Variants in TRIM23 observed in about 807,000 individuals in gnomAD.
TRIM23 encodes tripartite motif containing 23, also known as E3 ubiquitin-protein ligase TRIM23.
TRIM23 carries 27 observed loss-of-function variants against 71.0 expected under a neutral mutation model. The observed-to-expected ratio is 0.38, with a 90% CI of 0.28 to 0.52. The LOEUF (loss-of-function observed/expected upper bound fraction) is 0.52, where lower values mean the gene tolerates loss of function less well. TRIM23 is among the 20% of genes least tolerant of loss of function. TRIM23 has a pLI of 0.84. For synonymous variants in TRIM23, 234 were observed against 238.0 expected, an observed-to-expected ratio of 0.98 and a Z score of 0.16; for missense variants, 482 against 692.3, an observed-to-expected ratio of 0.70 and a Z score of 3.41.
intron 9 of TRIM23, among the ~76,000 whole-genome samples, chr5:65,594,978 C>T (rs1398242988): frequency 6.6e-6 from 1 of 152,202 alleles, no homozygotes; most frequent in African/African-American, 2.4e-5. Context: ...ATGGATGCTA[C>T]TTGTTCTTCG....
At chr5:65,593,299 G>A (rs1754094825) in intron 10 of TRIM23, among the ~76,000 whole-genome samples, 1 of 152,136 alleles carries the variant, frequency 6.6e-6, no homozygotes, top group Non-Finnish European at 1.5e-5. Flanking sequence ...GCCGGGTGTG[G>A]TAGCAAGCAC....
At position 65,590,668 on chromosome 5, in the gene TRIM23, A is replaced by G; in HGVS notation, c.*1101T>C. The G allele has an allele frequency of 1.0e-6, 1 of 984,608 alleles. No individual in the cohort carries two copies. The highest frequency in any genetic ancestry group is 1.2e-6 in the Non-Finnish European group (1 of 827,430). 61.0% of individuals were successfully genotyped at this position (984,608 alleles called of 1,614,324 possible). On this transcript the variant is annotated 3_prime_UTR_variant, in exon 11 of 11. Coordinates refer to ENST00000231524, the MANE Select transcript of TRIM23 (RefSeq NM_001656.4). ...ATTTACTCACAACACTGAATAATTAATGTAAACTTTTTGAATTTTTTTTTT... is the reference window on the plus strand; with the variant it reads ...ATTTACTCACAACACTGAATAATTAGTGTAAACTTTTTGAATTTTTTTTTT...
chr5:65,619,060 C>T (rs1754849265), intron 1 of TRIM23, among the ~76,000 whole-genome samples: 1 of 152,104 alleles, frequency 6.6e-6, no homozygotes, highest in Non-Finnish European at 1.5e-5. Flanking sequence ...TGTTTCATAC[C>T]TTGCATTAAT....
At chr5:65,592,516 C>T (rs1307853093) in intron 10 of TRIM23, among the ~76,000 whole-genome samples, 2 of 151,866 alleles carry the variant, frequency 1.3e-5, no homozygotes, top group Admixed American at 6.6e-5. Context: ...CATGAGCCAC[C>T]ACGCCTGGCC....
chr5:65,590,547 TAAAA>T lies in TRIM23; in HGVS notation c.*1218_*1221del, dbSNP rs3836739. 1.6e-5 allele frequency: 14 copies of T among 878,924 alleles called. No individual in the cohort carries two copies. Among genetic ancestry groups the T allele is most frequent in the South Asian group, 5.4e-5 (1 of 18,458 alleles). 54.4% of individuals were successfully genotyped at this position (878,924 alleles called of 1,614,324 possible). The stretch of plus-strand genomic sequence containing the variant: ...ACTTCATCCTAATGTATCAGAACAT[TAAAA>T]AAAAAAAAGTCTCAATGTACCTATT... On this transcript the variant is annotated 3_prime_UTR_variant, in exon 11 of 11. Coordinates refer to ENST00000231524, the MANE Select transcript of TRIM23 (RefSeq NM_001656.4).
intron 2 of TRIM23, among the ~76,000 whole-genome samples, chr5:65,617,266 T>C (rs990006534): frequency 2.6e-5 from 4 of 152,214 alleles, no homozygotes; most frequent in South Asian, 4.1e-4. Context: ...CCATGTTTCT[T>C]AGCATTTCAA....
At chr5:65,614,320 T>C (rs1754728145) in intron 2 of TRIM23, 101 bp from the exon 3 acceptor site, 5 of 1,125,046 alleles carry the variant, frequency 4.4e-6, no homozygotes, top group Non-Finnish European at 6.3e-6. Context: ...CAGTAGTTAA[T>C]GTCTAAATTT....
chr5:65,615,944 GCC>G (rs1419868763), intron 2 of TRIM23, among the ~76,000 whole-genome samples: 1 of 152,198 alleles, frequency 6.6e-6, no homozygotes, highest in Non-Finnish European at 1.5e-5. Flanking sequence ...CAGGGACACA[GCC>G]TACCGAGCCT....
At chr5:65,609,179 A>G in intron 6 of TRIM23, 64 bp downstream of exon 6, 1 of 1,514,466 alleles carries the variant, frequency 6.6e-7, no homozygotes, top group Non-Finnish European at 9.1e-7. Flanking sequence ...ACACTAATGT[A>G]TACCTCTGGT....
At chr5:65,595,557 CAA>C (rs34701696) in intron 9 of TRIM23, among the ~76,000 whole-genome samples, 73 of 93,466 alleles carry the variant, frequency 7.8e-4, no homozygotes, top group Middle Eastern at 5.7e-3. Context: ...GACTCGATCT[CAA>C]AAAAAAAAAA....
chr5:65,590,401 T>C lies in TRIM23; in HGVS notation c.*1368A>G, dbSNP rs1292030366. 2 of 1,438,620 alleles carry C rather than the reference T, an allele frequency of 1.4e-6. No individual in the cohort carries two copies. Among genetic ancestry groups the C allele is most frequent in the African/African-American group, 1.5e-5 (1 of 68,182 alleles). 89.1% of individuals were successfully genotyped at this position (1,438,620 alleles called of 1,614,324 possible). On this transcript the variant is annotated 3_prime_UTR_variant, in exon 11 of 11. Transcript: ENST00000231524. ...AATGCTTTGTTTTCTAAAACTTGTA[T>C]TGTTTTTAAACAAAAATAGATTTGA...
In TRIM23 at chr5:65,611,588, T is replaced by G. The variant is rs1754651374; in HGVS notation, c.645+15A>C. 1 of 1,606,388 alleles carries G rather than the reference T, an allele frequency of 6.2e-7. No homozygotes were observed. The highest frequency in any genetic ancestry group is 1.3e-5 in the African/African-American group (1 of 74,704). ...TAGCTACAGTGATCCAACTGATTAA[T>G]AATTAAATTCATACCTTGTGACCCT... On this transcript the variant is annotated intron_variant, in intron 4 of 10. Coordinates refer to ENST00000231524, the MANE Select transcript of TRIM23 (RefSeq NM_001656.4).
intron 1 of TRIM23, 141 bp downstream of exon 1, chr5:65,624,053 G>T: frequency 1.1e-6 from 1 of 879,032 alleles, no homozygotes; most frequent in Non-Finnish European, 1.8e-6. Flanking sequence ...CAGAGGACAG[G>T]ACGAGACTTG....
chr5:65,623,850 C>T (rs2150648112), intron 1 of TRIM23, among the ~76,000 whole-genome samples: 1 of 152,268 alleles, frequency 6.6e-6, no homozygotes, highest in South Asian at 2.1e-4. Flanking sequence ...TACGTAGTTA[C>T]GATGATGATG....
intron 6 of TRIM23, among the ~76,000 whole-genome samples, chr5:65,607,834 C>T (rs1008750562): frequency 1.3e-5 from 2 of 152,162 alleles, no homozygotes; most frequent in African/African-American, 4.8e-5. Context: ...ATGAGTTAAA[C>T]ATGTATTTAT....
chr5:65,613,626 A>G (rs1754708623), intron 3 of TRIM23: 1 of 993,104 alleles, frequency 1.0e-6, no homozygotes, highest in Non-Finnish European at 1.3e-6. Context: ...GTACATCTAT[A>G]CAAAGTTTAA....
intron 7 of TRIM23, among the ~76,000 whole-genome samples, chr5:65,602,199 A>T (rs1754381156): frequency 6.6e-6 from 1 of 152,236 alleles, no homozygotes. Context: ...GGCCTTTAAC[A>T]GAACCCAAGT....
Position 65,590,547 on chromosome 5 carries a change from TA to T in TRIM23, c.*1221del, listed in dbSNP as rs3836739. 476,317 of 857,596 alleles carry T rather than the reference TA, an allele frequency of 0.56. 83,376 individuals carry two copies. Among genetic ancestry groups the T allele is most frequent in the African/African-American group, 0.6 (33,229 of 55,254 alleles). The allele number at this position is 857,596 out of a possible 1,614,324, so 53.1% of individuals were successfully genotyped here. A position where few individuals can be genotyped will look rare whatever the true frequency, so the allele number is the denominator to read the frequency against. On this transcript the variant is annotated 3_prime_UTR_variant, in exon 11 of 11. Coordinates refer to ENST00000231524, the MANE Select transcript of TRIM23 (RefSeq NM_001656.4). ...ACTTCATCCTAATGTATCAGAACAT[TA>T]AAAAAAAAAAAGTCTCAATGTACCT... is the stretch of plus-strand genomic sequence containing the variant.
chr5:65,611,497 C>A, intron 4 of TRIM23, 106 bp downstream of exon 4: 1 of 1,301,284 alleles, frequency 7.7e-7, no homozygotes, highest in Non-Finnish European at 1.1e-6. Context: ...TCACTTAACT[C>A]TTCTTCAATC....
Sources: allele counts gnomAD v4.1 joint callset (sites outside exome capture counted in the v4.1 genomes callset), GRCh38; gene constraint gnomAD v4.1.1; transcripts MANE v1.5; gene names NCBI Gene and HGNC (gene_info 2026-07-23, HGNC 2026-07-21).